Variants in RGS6 observed in about 807,000 individuals in gnomAD.
The protein encoded by RGS6 is regulator of G-protein signaling 6.
A neutral mutation model predicts 78.5 loss-of-function variants in RGS6; 30 were observed. The observed-to-expected ratio is 0.38, with a 90% CI of 0.29 to 0.52. RGS6 has a LOEUF of 0.52. RGS6 is among the 20% of genes least tolerant of loss of function. The probability of loss-of-function intolerance (pLI) is 0.85; values close to 1 mark genes in which losing one functional copy is unlikely to be tolerated. For synonymous variants in RGS6, 206 were observed against 206.0 expected (o/e 1.00, Z 0.00); for missense variants, 495 against 609.7 (o/e 0.81, Z 1.98).
intron 2 of RGS6, among the ~76,000 whole-genome samples, chr14:72,137,510 G>A (rs563115495): frequency 6.6e-6 from 1 of 152,356 alleles, no homozygotes; most frequent in South Asian, 2.1e-4. Flanking sequence ...ATTGTGGTCT[G>A]TACTTCTGAG....
intron 1 of RGS6, among the ~76,000 whole-genome samples, chr14:71,961,992 T>C (rs893855637): frequency 4.6e-5 from 7 of 152,216 alleles, no homozygotes; most frequent in African/African-American, 1.7e-4. Context: ...TAGAAAATCT[T>C]TACCTATGTA....
At chr14:72,355,871 G>C (rs1224753697) in intron 3 of RGS6, among the ~76,000 whole-genome samples, 1 of 152,168 alleles carries the variant, frequency 6.6e-6, no homozygotes, top group African/African-American at 2.4e-5. Context: ...AGGCAAGAGA[G>C]TTCCTGGAAC....
intron 2 of RGS6, 79 bp from the exon 3 acceptor site, chr14:72,352,016 A>T: frequency 9.8e-7 from 1 of 1,021,884 alleles, no homozygotes; most frequent in Non-Finnish European, 1.5e-6. Context: ...ATGTTTATAC[A>T]TTTGGGCTGT....
intron 2 of RGS6, among the ~76,000 whole-genome samples, chr14:71,989,197 A>T (rs1595744631): frequency 6.6e-6 from 1 of 152,218 alleles, no homozygotes; most frequent in Non-Finnish European, 1.5e-5. Flanking sequence ...TGTTATTCCC[A>T]TGCCGCATAT....
At chr14:72,194,460 TCCTTGGGC>T (rs2039518364) in intron 2 of RGS6, among the ~76,000 whole-genome samples, 1 of 51,468 alleles carries the variant, frequency 1.9e-5, no homozygotes, top group African/African-American at 1.1e-4. Context: ...AGTCTCAAGC[TCCTTGGGC>T]TCAAGTGATC....
chr14:72,170,939 C>A (rs531009404), intron 2 of RGS6, among the ~76,000 whole-genome samples: 1 of 152,274 alleles, frequency 6.6e-6, no homozygotes, highest in East Asian at 1.9e-4. Flanking sequence ...CTGATAATTG[C>A]TGTCTGTGTT....
intron 2 of RGS6, among the ~76,000 whole-genome samples, chr14:72,150,991 A>T (rs1010663164): frequency 1.6e-4 from 25 of 152,200 alleles, no homozygotes; most frequent in Non-Finnish European, 3.4e-4. Flanking sequence ...AGAGTAGAGC[A>T]TATTTTCTTC....
At chr14:72,527,051 C>A (rs939576020) in intron 15 of RGS6, among the ~76,000 whole-genome samples, 1 of 152,216 alleles carries the variant, frequency 6.6e-6, no homozygotes, top group Non-Finnish European at 1.5e-5. Context: ...CAGGTTGGGA[C>A]CTTGTTTCCA....
In RGS6 at chr14:72,144,216, A is replaced by G. The variant is rs191102341; in HGVS notation, c.84+179341A>G. Among the ~76,000 whole-genome samples, 260 of 152,342 alleles carry G rather than the reference A, an allele frequency of 1.7e-3. 6 individuals carry two copies. Among genetic ancestry groups the G allele is most frequent in the Middle Eastern group, 3.4e-3 (1 of 294 alleles). ...ACTGTAATAAATTGGCCTGAATTGC[A>G]TGGATTCATAAGACCACTCTCTTTC... On this transcript the variant is annotated intron_variant, in intron 2 of 17. Coordinates refer to ENST00000553525, the MANE Select transcript of RGS6 (RefSeq NM_001204424.2).
intron 3 of RGS6, among the ~76,000 whole-genome samples, chr14:72,400,650 A>G (rs1034671801): frequency 1.3e-5 from 2 of 152,240 alleles, no homozygotes; most frequent in Non-Finnish European, 2.9e-5. Flanking sequence ...ATAATTGTTC[A>G]GTATTGTTTC....
At chr14:72,121,146 T>G (rs2096040802) in intron 2 of RGS6, among the ~76,000 whole-genome samples, 1 of 152,152 alleles carries the variant, frequency 6.6e-6, no homozygotes, top group South Asian at 2.1e-4. Context: ...TCTCCCTCCC[T>G]GGACATCCTC....
chr14:71,953,800 A>G (rs2092552040), intron 1 of RGS6, among the ~76,000 whole-genome samples: 2 of 151,954 alleles, frequency 1.3e-5, no homozygotes, highest in Admixed American at 1.3e-4. Context: ...TAGAGATCCA[A>G]GTTTCTGACC....
At chr14:72,302,082 C>T (rs1595534671) in intron 2 of RGS6, among the ~76,000 whole-genome samples, 1 of 152,120 alleles carries the variant, frequency 6.6e-6, no homozygotes, top group East Asian at 1.9e-4. Flanking sequence ...ATCTGTGTGA[C>T]CTGGAATAAA....
intron 2 of RGS6, among the ~76,000 whole-genome samples, chr14:72,236,959 T>G (rs750651345): frequency 4.6e-5 from 7 of 152,202 alleles, no homozygotes; most frequent in Non-Finnish European, 1.0e-4. Context: ...AGTGCCTCTT[T>G]CCAGTCGATT....
intron 13 of RGS6, among the ~76,000 whole-genome samples, chr14:72,495,827 C>T (rs948783675): frequency 1.3e-5 from 2 of 152,246 alleles, no homozygotes; most frequent in African/African-American, 4.8e-5. Flanking sequence ...CTGCCAGCAA[C>T]GATTCCAGCC....
intron 9 of RGS6, among the ~76,000 whole-genome samples, chr14:72,474,270 AAAAT>A (rs200560624): frequency 6.6e-6 from 1 of 152,116 alleles, no homozygotes; most frequent in Non-Finnish European, 1.5e-5. Context: ...TTAAAAGCAA[AAAAT>A]AAATAAATAG....
intron 13 of RGS6, among the ~76,000 whole-genome samples, chr14:72,503,535 T>C (rs1462236018): frequency 6.6e-6 from 1 of 151,896 alleles, no homozygotes; most frequent in Admixed American, 6.6e-5. Context: ...CAAACTACAA[T>C]GGTGGGAGAG....
upstream of RGS6, among the ~76,000 whole-genome samples, chr14:71,930,977 CAAAAAAAAAAAAAAAAAAAAAAAAAAAA>C (rs58649273): frequency 6.0e-5 from 1 of 16,602 alleles, no homozygotes; most frequent in Non-Finnish European, 1.3e-4. Context: ...AACTACGTCT[CAAAAAAAAAAAAAAAAAAAAAAAAAAAA>C]AAAAAAAAAA....
chr14:72,408,161 A>G (rs2093097968), intron 3 of RGS6, among the ~76,000 whole-genome samples: 2 of 152,214 alleles, frequency 1.3e-5, no homozygotes. Flanking sequence ...CTGTTGTTAC[A>G]GCGTAGTTGG....
Sources: allele counts gnomAD v4.1 joint callset (sites outside exome capture counted in the v4.1 genomes callset), GRCh38; gene constraint gnomAD v4.1.1; transcripts MANE v1.5; gene names NCBI Gene and HGNC (gene_info 2026-07-23, HGNC 2026-07-21).